LMCD1: variants seen among roughly 807,000 people sequenced by gnomAD.
LMCD1 encodes LIM and cysteine rich domains 1.
A neutral mutation model predicts 42.7 loss-of-function variants in LMCD1; 32 were observed. That is an observed-to-expected ratio of 0.75 (90% CI 0.57 to 1.01). LMCD1 has a LOEUF of 1.01. LMCD1 is among the 50% of genes least tolerant of loss of function. The probability of loss-of-function intolerance (pLI) is 0.00; values close to 1 mark genes in which losing one functional copy is unlikely to be tolerated. For synonymous variants in LMCD1, 178 were observed against 184.9 expected (o/e 0.96, Z 0.30); for missense variants, 458 against 483.1 (o/e 0.95, Z 0.49).
In LMCD1 at chr3:8,573,475, G is replaced by A. The variant is rs923446176; in HGVS notation, c.*5877G>A. On this transcript the variant is annotated 3_prime_UTR_variant, in exon 6 of 6. Coordinates refer to ENST00000157600, the MANE Select transcript of LMCD1 (RefSeq NM_014583.4). ...AGTGACATGAGCACTTGACTCGCTG[G>A]GTTATCAGGCTTTGGCTCCAAATGT... is the stretch of plus-strand genomic sequence containing the variant. The A allele has an allele frequency of 1.3e-5, 2 of 152,164 alleles. No individual in the cohort carries two copies. The highest frequency in any genetic ancestry group is 1.3e-4 in the Admixed American group (2 of 15,272). 9.4% of individuals were successfully genotyped at this position (152,164 alleles called of 1,614,324 possible).
At position 8,548,730 on chromosome 3, in the gene LMCD1, G is replaced by C; in HGVS notation, c.550G>C (p.Glu184Gln). 6.2e-7 allele frequency: 1 copy of C among 1,614,172 alleles called. No homozygotes were observed. Among genetic ancestry groups the C allele is most frequent in the Non-Finnish European group, 8.5e-7 (1 of 1,180,026 alleles). ...LLENELKLME[E>Q]FVKQYKSEAL... ...GGAGAATGAGTTGAAACTGATGGAA[G>C]AATTTGTCAAGCAATATAAGAGCGA... The change falls in exon 4 of 6, where the codon GAA becomes CAA. Residue 184 changes from glutamate (E) to glutamine (Q), a missense_variant. By Grantham distance (29) the Glu-to-Gln change is conservative. Coordinates refer to ENST00000157600, the MANE Select transcript of LMCD1 (RefSeq NM_014583.4).
chr3:8,541,589 TAAAACC>T (rs76352559), intron 3 of LMCD1, among the ~76,000 whole-genome samples: 2 of 152,272 alleles, frequency 1.3e-5, no homozygotes, highest in East Asian at 3.9e-4. Context: ...AGGAAAAACA[TAAAACC>T]TAAACCAACC....
At chr3:8,523,935 A>C (rs1422051501) in intron 1 of LMCD1, among the ~76,000 whole-genome samples, 1 of 152,184 alleles carries the variant, frequency 6.6e-6, no homozygotes, top group Non-Finnish European at 1.5e-5. Flanking sequence ...AGTTATGGAC[A>C]GGCAGTTATC....
intron 3 of LMCD1, among the ~76,000 whole-genome samples, chr3:8,539,095 G>A (rs1652265688): frequency 6.6e-6 from 1 of 152,180 alleles, no homozygotes; most frequent in Admixed American, 6.5e-5. Context: ...ATCTCATGGG[G>A]TATGCGCTAC....
chr3:8,550,095 G>A, intron 4 of LMCD1: 5 of 1,423,436 alleles, frequency 3.5e-6, no homozygotes, highest in Non-Finnish European at 4.6e-6. Context: ...GTGAGTCACT[G>A]GGGGCCATTT....
intron 3 of LMCD1, among the ~76,000 whole-genome samples, chr3:8,547,571 GA>G (rs1231663352): frequency 6.6e-6 from 1 of 152,190 alleles, no homozygotes; most frequent in Non-Finnish European, 1.5e-5. Context: ...GTCCTCAGGT[GA>G]TGTTGTCTTT....
At chr3:8,554,324 C>T (rs920042016) in intron 4 of LMCD1, among the ~76,000 whole-genome samples, 2 of 152,156 alleles carry the variant, frequency 1.3e-5, no homozygotes, top group African/African-American at 4.8e-5. Flanking sequence ...TTCTGCTTCA[C>T]CGGCAGAGTG....
At chr3:8,548,164 C>T (rs866453830) in intron 3 of LMCD1, among the ~76,000 whole-genome samples, 2 of 152,156 alleles carry the variant, frequency 1.3e-5, no homozygotes, top group South Asian at 2.1e-4. Flanking sequence ...TCATGTAGCA[C>T]ACGATCATAC....
At chr3:8,521,698 GA>G (rs1398688784) in intron 1 of LMCD1, among the ~76,000 whole-genome samples, 1 of 152,142 alleles carries the variant, frequency 6.6e-6, no homozygotes, top group Non-Finnish European at 1.5e-5. Flanking sequence ...AGAAGAAAAA[GA>G]AAAAGGGGCA....
intron 4 of LMCD1, among the ~76,000 whole-genome samples, chr3:8,565,217 G>A (rs148552871): frequency 6.6e-6 from 1 of 152,260 alleles, no homozygotes; most frequent in East Asian, 1.9e-4. Flanking sequence ...GAATCACTGT[G>A]CTAAATAAAT....
Position 8,544,341 on chromosome 3 carries a change from G to C in LMCD1, c.388-4227G>C, listed in dbSNP as rs181244585. On this transcript the variant is annotated intron_variant, in intron 3 of 5. Transcript: ENST00000157600. ...TGACTTCCAGACACTCCACCACCCA[G>C]GTCTTCTCTTCTGTCTGAGAAAGCA... Among the ~76,000 whole-genome samples the C allele has an allele frequency of 3.7e-3, 558 of 152,210 alleles. 9 individuals are homozygous for C. Among genetic ancestry groups the C allele is most frequent in the Non-Finnish European group, 1.1e-3 (73 of 68,014 alleles).
intron 4 of LMCD1, chr3:8,550,852 C>T (rs1018183390): frequency 1.7e-5 from 17 of 984,942 alleles, no homozygotes; most frequent in African/African-American, 7.0e-5. Flanking sequence ...ATTTCCAAAT[C>T]GCCATTCCCA....
intron 4 of LMCD1, among the ~76,000 whole-genome samples, chr3:8,556,289 G>A (rs993667514): frequency 1.3e-5 from 2 of 152,076 alleles, no homozygotes; most frequent in South Asian, 2.1e-4. Flanking sequence ...GTCACAATCC[G>A]TCAGTGGGTA....
chr3:8,506,754 G>A (rs1374988873), intron 1 of LMCD1, among the ~76,000 whole-genome samples: 1 of 152,138 alleles, frequency 6.6e-6, no homozygotes, highest in African/African-American at 2.4e-5. Context: ...TCTGGCAGGG[G>A]CGTGAGTCAT....
chr3:8,565,226 ATAACT>A (rs1324209476), intron 4 of LMCD1, among the ~76,000 whole-genome samples: 1 of 152,172 alleles, frequency 6.6e-6, no homozygotes, highest in Non-Finnish European at 1.5e-5. Flanking sequence ...TGCTAAATAA[ATAACT>A]TTATTTAGTC....
chr3:8,544,429 AC>A (rs1281842381), intron 3 of LMCD1, among the ~76,000 whole-genome samples: 3 of 152,190 alleles, frequency 2.0e-5, no homozygotes, highest in Non-Finnish European at 4.4e-5. Context: ...CTGTGAGCTT[AC>A]AGTGCCAGAA....
chr3:8,514,104 GATACATAC>G (rs557787705), intron 1 of LMCD1, among the ~76,000 whole-genome samples: 6 of 151,444 alleles, frequency 4.0e-5, no homozygotes, highest in Admixed American at 1.3e-4. Context: ...TTGATAGATA[GATACATAC>G]ATACATACAT....
At chr3:8,516,343 T>C (rs182588414) in intron 1 of LMCD1, among the ~76,000 whole-genome samples, 4 of 152,280 alleles carry the variant, frequency 2.6e-5, no homozygotes, top group African/African-American at 9.6e-5. Flanking sequence ...AAACCTCTCA[T>C]AGCTCAGACA....
chr3:8,550,612 T>C, intron 4 of LMCD1: 1 of 985,206 alleles, frequency 1.0e-6, no homozygotes, highest in Non-Finnish European at 1.2e-6. Context: ...TTATTTCCTC[T>C]ACTACAGATT....
Sources: gnomAD v4.1 joint callset for allele counts (sites outside exome capture counted in the v4.1 genomes callset) on GRCh38, gnomAD v4.1.1 for gene constraint, MANE v1.5 for transcripts, NCBI Gene and HGNC (gene_info 2026-07-23, HGNC 2026-07-21) for gene names.